ATRNL1: variants seen among roughly 807,000 people sequenced by gnomAD.
ATRNL1 encodes the protein attractin like 1, also known as attractin-like protein 1.
In ATRNL1, 95 loss-of-function variants were observed where a neutral mutation model predicts 182.7. That is an observed-to-expected ratio of 0.52 (90% CI 0.44 to 0.62). ATRNL1 has a LOEUF of 0.62. Ranked by LOEUF, ATRNL1 falls within the 20% of genes least tolerant of loss-of-function variation. The probability of loss-of-function intolerance (pLI) is 0.00; values close to 1 mark genes in which losing one functional copy is unlikely to be tolerated. For missense variants in ATRNL1, 1,471 were observed against 1,679.5 expected (o/e 0.88, Z 2.17); for synonymous variants, 576 against 568.3 (o/e 1.01, Z -0.19).
chr10:115,612,702 C>A (rs939173769), intron 26 of ATRNL1, among the ~76,000 whole-genome samples: 1 of 152,166 alleles, frequency 6.6e-6, no homozygotes, highest in African/African-American at 2.4e-5. Context: ...GGCAAAAGTT[C>A]TTTTTACAGG....
At chr10:115,517,014 G>A (rs1554984057) in intron 24 of ATRNL1, among the ~76,000 whole-genome samples, 1 of 151,840 alleles carries the variant, frequency 6.6e-6, no homozygotes, top group African/African-American at 2.4e-5. Flanking sequence ...AAAATAATAG[G>A]AGCTTTGTCT....
chr10:115,874,053 A>C (rs1281310999), intron 28 of ATRNL1, among the ~76,000 whole-genome samples: 1 of 152,106 alleles, frequency 6.6e-6, no homozygotes, highest in Non-Finnish European at 1.5e-5. Context: ...CCCCTCTTTC[A>C]CTGTTTCCAT....
At chr10:115,440,463 A>G (rs1228886755) in intron 21 of ATRNL1, among the ~76,000 whole-genome samples, 2 of 151,946 alleles carry the variant, frequency 1.3e-5, no homozygotes, top group Non-Finnish European at 2.9e-5. Flanking sequence ...ACCAAATTCA[A>G]ATATCTTACA....
At chr10:115,737,683 G>A (rs1002767972) in intron 27 of ATRNL1, among the ~76,000 whole-genome samples, 2 of 152,114 alleles carry the variant, frequency 1.3e-5, no homozygotes, top group Admixed American at 1.3e-4. Flanking sequence ...TGTGGTAGTA[G>A]CATAGAAACA....
At chr10:115,795,973 T>A (rs1370553819) in intron 27 of ATRNL1, among the ~76,000 whole-genome samples, 1 of 152,138 alleles carries the variant, frequency 6.6e-6, no homozygotes, top group Non-Finnish European at 1.5e-5. Flanking sequence ...CTAATGCCCT[T>A]GTGCTGAGTG....
intron 25 of ATRNL1, among the ~76,000 whole-genome samples, chr10:115,537,019 C>T (rs1229151731): frequency 6.6e-6 from 1 of 152,112 alleles, no homozygotes; most frequent in Non-Finnish European, 1.5e-5. Context: ...GAAATGACAC[C>T]TGAAGATATG....
At chr10:115,543,810 AGTT>A (rs1554992818) in intron 25 of ATRNL1, among the ~76,000 whole-genome samples, 2 of 152,196 alleles carry the variant, frequency 1.3e-5, no homozygotes, top group African/African-American at 4.8e-5. Context: ...AATAAAATCA[AGTT>A]ATTGAAATAT....
At chr10:115,440,591 T>C (rs1314152735) in intron 21 of ATRNL1, among the ~76,000 whole-genome samples, 1 of 151,964 alleles carries the variant, frequency 6.6e-6, no homozygotes, top group Non-Finnish European at 1.5e-5. Context: ...TGCCCTGCTG[T>C]CTTCTTTTAT....
chr10:115,492,025 A>G (rs145284699), intron 24 of ATRNL1, among the ~76,000 whole-genome samples: 200 of 152,214 alleles, frequency 1.3e-3, no homozygotes, highest in African/African-American at 4.7e-3. Flanking sequence ...CTTCCCAGGT[A>G]AGGCGATGCC....
chr10:115,771,230 CTT>C (rs35473711), intron 27 of ATRNL1, among the ~76,000 whole-genome samples: 130 of 131,502 alleles, frequency 9.9e-4, no homozygotes, highest in Middle Eastern at 4.3e-3. Flanking sequence ...AGGATTCTTA[CTT>C]TTTTTTTTTT....
intron 19 of ATRNL1, among the ~76,000 whole-genome samples, chr10:115,367,691 G>A (rs1204852977): frequency 1.6e-5 from 2 of 125,358 alleles, no homozygotes; most frequent in Non-Finnish European, 3.8e-5. Context: ...GTACATATGG[G>A]TTTTTGGTGT....
chr10:115,115,943 C>T (rs372108727), intron 1 of ATRNL1, among the ~76,000 whole-genome samples: 1 of 152,060 alleles, frequency 6.6e-6, no homozygotes, highest in Non-Finnish European at 1.5e-5. Context: ...AACAGCCCAG[C>T]ATGCTTTTAA....
At chr10:115,895,918 T>C (rs2134475142) in intron 28 of ATRNL1, among the ~76,000 whole-genome samples, 1 of 152,260 alleles carries the variant, frequency 6.6e-6, no homozygotes, top group Non-Finnish European at 1.5e-5. Flanking sequence ...GGAAAGAACA[T>C]ATATGAATGT....
At chr10:115,456,592 C>G (rs781858048) in intron 21 of ATRNL1, among the ~76,000 whole-genome samples, 2 of 151,996 alleles carry the variant, frequency 1.3e-5, no homozygotes, top group Non-Finnish European at 2.9e-5. Flanking sequence ...ATGTTACAAA[C>G]CTGCACATTC....
intron 27 of ATRNL1, among the ~76,000 whole-genome samples, chr10:115,784,203 A>G (rs782299971): frequency 2.0e-5 from 3 of 152,200 alleles, no homozygotes; most frequent in Non-Finnish European, 2.9e-5. Flanking sequence ...TGTAATCGCT[A>G]CACACAGGGC....
At chr10:115,202,087 C>T in intron 8 of ATRNL1, among the ~76,000 whole-genome samples, 1 of 151,990 alleles carries the variant, frequency 6.6e-6, no homozygotes, top group Non-Finnish European at 1.5e-5. Flanking sequence ...ATTTTGTATC[C>T]TGAGACTTTG....
chr10:115,809,504 G>A (rs938296701), intron 27 of ATRNL1, among the ~76,000 whole-genome samples: 14 of 151,812 alleles, frequency 9.2e-5, no homozygotes, highest in African/African-American at 3.4e-4. Flanking sequence ...TGTCAGTAAT[G>A]GATTTTTAGT....
chr10:115,171,272 G>A lies in ATRNL1; in HGVS notation c.1328G>A (p.Ser443Asn), dbSNP rs1592207057. The A allele has an allele frequency of 6.3e-7, 1 of 1,597,120 alleles. No homozygotes were observed. The highest frequency in any genetic ancestry group is 1.1e-5 in the South Asian group (1 of 88,886). The change falls in exon 8 of 29, where the codon AGC becomes AAC. Residue 443 changes from serine (S) to asparagine (N), a missense_variant. Around this residue, in one of 3 missense-constraint regions of ATRNL1, gnomAD observed 1,031 missense variants for 1,156.0 expected, o/e 0.89. Coordinates refer to ENST00000355044, the MANE Select transcript of ATRNL1 (RefSeq NM_207303.4). ...GYSAIYGYTS[S>N]IQEYHISSNT... ...TCTGCAATATATGGTTATACAAGCA[G>A]CATACAGGAATACCATATCTGTGAG...
At chr10:115,542,758 G>C (rs1852432451) in intron 25 of ATRNL1, among the ~76,000 whole-genome samples, 1 of 152,086 alleles carries the variant, frequency 6.6e-6, no homozygotes, top group South Asian at 2.1e-4. Flanking sequence ...TTATCTCCCA[G>C]TTCCAGAGGG....
Sources: gnomAD v4.1 joint callset for allele counts (sites outside exome capture counted in the v4.1 genomes callset) on GRCh38, gnomAD v4.1.1 for gene constraint, gnomAD v4.1.1 regional missense constraint, MANE v1.5 for transcripts, NCBI Gene and HGNC (gene_info 2026-07-23, HGNC 2026-07-21) for gene names.